Variants in ELP4 observed in about 807,000 individuals in gnomAD.
The protein encoded by ELP4 is elongator acetyltransferase complex subunit 4, also known as elongator complex protein 4.
A neutral mutation model predicts 48.9 loss-of-function variants in ELP4; 51 were observed. That is an observed-to-expected ratio of 1.04 (90% CI 0.83 to 1.32). The LOEUF (loss-of-function observed/expected upper bound fraction) is 1.32. Ranked by LOEUF, ELP4 falls within the 40% of genes most tolerant of loss-of-function variation. The pLI, the probability that ELP4 is intolerant of heterozygous loss-of-function variation, is 0.00. For missense variants in ELP4, 519 were observed against 514.6 expected, an observed-to-expected ratio of 1.01 and a Z score of -0.08; for synonymous variants, 210 against 189.2, an observed-to-expected ratio of 1.11 and a Z score of -0.90.
chr11:31,703,174 C>T (rs1946562868), intron 9 of ELP4, among the ~76,000 whole-genome samples: 1 of 152,138 alleles, frequency 6.6e-6, no homozygotes, highest in African/African-American at 2.4e-5. Context: ...TGTTTGGTCT[C>T]CTAGGACCTC....
chr11:31,573,449 T>G (rs550994974), intron 3 of ELP4: 1 of 152,218 alleles, frequency 6.6e-6, no homozygotes, highest in South Asian at 2.1e-4. Flanking sequence ...CAACAGAAAT[T>G]TACTATCTCA....
chr11:31,690,971 A>C (rs1946267580), intron 9 of ELP4, among the ~76,000 whole-genome samples: 4 of 152,044 alleles, frequency 2.6e-5, no homozygotes, highest in Non-Finnish European at 5.9e-5. Flanking sequence ...AAGCCTTAAC[A>C]TTAAAGAATA....
At chr11:31,563,697 T>C (rs542913120) in intron 3 of ELP4, among the ~76,000 whole-genome samples, 3 of 152,316 alleles carry the variant, frequency 2.0e-5, no homozygotes, top group Admixed American at 2.0e-4. Context: ...AATTTCATCC[T>C]TCCCATCCTG....
At position 31,574,597 on chromosome 11, in the gene ELP4, G is replaced by A. The variant is rs189459967; in HGVS notation, c.382-20173G>A. On this transcript the variant is annotated intron_variant, in intron 3 of 9. Coordinates refer to ENST00000640961, the MANE Select transcript of ELP4 (RefSeq NM_019040.5). ...CTCTGAGACGAAGGTTCCAGAGGAA[G>A]GATCAGACAGCAACATCTGCCGTTC... Among the ~76,000 whole-genome samples the A allele has an allele frequency of 9.3e-4, 142 of 152,308 alleles. 1 individual carries two copies. The highest frequency in any genetic ancestry group is 3.3e-3 in the African/African-American group (136 of 41,580).
chr11:31,552,805 G>A (rs918677339), intron 3 of ELP4, among the ~76,000 whole-genome samples: 13 of 151,982 alleles, frequency 8.6e-5, no homozygotes, highest in Admixed American at 2.0e-4. Flanking sequence ...TCCTTATAAG[G>A]ACTTTAAAGG....
intron 5 of ELP4, among the ~76,000 whole-genome samples, chr11:31,612,078 C>T (rs139484323): frequency 6.6e-6 from 1 of 151,900 alleles, no homozygotes; most frequent in African/African-American, 2.4e-5. Flanking sequence ...ATAGTGTGAG[C>T]GATGGAAAGA....
At chr11:31,741,597 C>T (rs1393878403) in intron 9 of ELP4, among the ~76,000 whole-genome samples, 2 of 152,214 alleles carry the variant, frequency 1.3e-5, no homozygotes, top group Non-Finnish European at 2.9e-5. Context: ...CCAATATCCA[C>T]TGTTCTGCAG....
chr11:31,524,767 G>A lies in ELP4; in HGVS notation c.259+4676G>A, dbSNP rs2021621. 4.3e-3 allele frequency among the ~76,000 whole-genome samples: 648 copies of A among 152,152 alleles called. 4 individuals carry two copies. The highest frequency in any genetic ancestry group is 0.015 in the African/African-American group (610 of 41,506). Reference sequence around the variant, plus strand: ...AAGCTATATTATTCTTCTACATCATGCAATAAATTCTGAGCTAACCAGCCT... The same window carrying A: ...AAGCTATATTATTCTTCTACATCATACAATAAATTCTGAGCTAACCAGCCT... On this transcript the variant is annotated intron_variant, in intron 2 of 9. Transcript: ENST00000640961.
At position 31,742,752 on chromosome 11, in the gene ELP4, A is replaced by G. The variant is rs550861091; in HGVS notation, c.1144-40641A>G. 4.6e-5 allele frequency among the ~76,000 whole-genome samples: 7 copies of G among 152,344 alleles called. No homozygotes were observed. The South Asian group carries it at 1.2e-3, about 27-fold the overall frequency. On this transcript the variant is annotated intron_variant, in intron 9 of 9. Transcript: ENST00000640961. ...CCCTAAAAGAGCTCCTGAAGGAAGCACTAAACATGGAAAGGATCAACCAGT... is the reference window on the plus strand; with the variant it reads ...CCCTAAAAGAGCTCCTGAAGGAAGCGCTAAACATGGAAAGGATCAACCAGT...
At chr11:31,692,576 G>T (rs543523279) in intron 9 of ELP4, among the ~76,000 whole-genome samples, 185 of 152,238 alleles carry the variant, frequency 1.2e-3, no homozygotes, top group African/African-American at 4.3e-3. Flanking sequence ...TCTACTTCTT[G>T]CTCCATTGCT....
At chr11:31,682,163 A>G (rs2134124491) in intron 9 of ELP4, 1 of 1,050,836 alleles carries the variant, frequency 9.5e-7, no homozygotes, top group South Asian at 1.9e-5. Context: ...CTATTGACAA[A>G]TCTAAGAGAG....
intron 9 of ELP4, among the ~76,000 whole-genome samples, chr11:31,713,201 A>G (rs901158801): frequency 3.9e-5 from 6 of 152,190 alleles, no homozygotes; most frequent in Non-Finnish European, 8.8e-5. Context: ...TTTCCGTAAA[A>G]TGATGGATCA....
chr11:31,634,066 A>G (rs1944922327), intron 7 of ELP4: 1 of 152,086 alleles, frequency 6.6e-6, no homozygotes, highest in Non-Finnish European at 1.5e-5. Flanking sequence ...TTAAATGATT[A>G]TCCAATATCC....
intron 2 of ELP4, among the ~76,000 whole-genome samples, chr11:31,538,384 T>C (rs1956537881): frequency 6.7e-6 from 1 of 148,208 alleles, no homozygotes; most frequent in Admixed American, 6.8e-5. Flanking sequence ...ACAATATAAT[T>C]ATATTGTATT....
chr11:31,723,846 T>C (rs1392169600), intron 9 of ELP4, among the ~76,000 whole-genome samples: 2 of 152,182 alleles, frequency 1.3e-5, no homozygotes, highest in African/African-American at 4.8e-5. Context: ...AGGCTTTGTC[T>C]TAAAGCAAAT....
At chr11:31,750,125 A>G (rs1411221749) in intron 9 of ELP4, among the ~76,000 whole-genome samples, 3 of 151,996 alleles carry the variant, frequency 2.0e-5, no homozygotes, top group Non-Finnish European at 4.4e-5. Context: ...CGGCCTCCCA[A>G]AGTGCTGGGA....
chr11:31,587,505 T>C (rs1033596956), intron 3 of ELP4, among the ~76,000 whole-genome samples: 14 of 152,204 alleles, frequency 9.2e-5, no homozygotes, highest in Non-Finnish European at 2.9e-5. Context: ...GCCAACTTCT[T>C]ACTGTGCTCC....
chr11:31,667,303 A>G (rs1945700934), intron 9 of ELP4, among the ~76,000 whole-genome samples: 1 of 152,156 alleles, frequency 6.6e-6, no homozygotes, highest in Non-Finnish European at 1.5e-5. Flanking sequence ...TCCTTTTAGT[A>G]TAGGGAGTAT....
rs540025672 is a variant in ELP4, at chr11:31,534,088, G to A, written c.260-5574G>A. 9.2e-5 allele frequency among the ~76,000 whole-genome samples: 14 copies of A among 152,130 alleles called. No individual in the cohort carries two copies. In the East Asian group the frequency reaches 2.3e-3, roughly 25 times the overall value. On this transcript the variant is annotated intron_variant, in intron 2 of 9. Coordinates refer to ENST00000640961, the MANE Select transcript of ELP4 (RefSeq NM_019040.5). ...CCTGACCTCGTGATCCGCCCGCCTCGGCCTCCCAAAGTGCTGAGATTACAG... is the reference window on the plus strand; with the variant it reads ...CCTGACCTCGTGATCCGCCCGCCTCAGCCTCCCAAAGTGCTGAGATTACAG...
Sources: allele counts gnomAD v4.1 joint callset (sites outside exome capture counted in the v4.1 genomes callset), GRCh38; gene constraint gnomAD v4.1.1; transcripts MANE v1.5; gene names NCBI Gene and HGNC (gene_info 2026-07-23, HGNC 2026-07-21).